PHEX: variants seen among roughly 807,000 people sequenced by gnomAD.
PHEX encodes the protein phosphate-regulating neutral endopeptidase PHEX.
In PHEX, 16 loss-of-function variants were observed where a neutral mutation model predicts 68.0. The ratio of observed to expected loss-of-function variants is 0.24; its 90% CI spans 0.16 to 0.36. The LOEUF (loss-of-function observed/expected upper bound fraction) is 0.36, where lower values mean the gene tolerates loss of function less well. PHEX is among the 10% of genes least tolerant of loss of function. The probability of loss-of-function intolerance (pLI) is 1.00; values close to 1 mark genes in which losing one functional copy is unlikely to be tolerated. For synonymous variants in PHEX, 208 were observed against 205.1 expected, an observed-to-expected ratio of 1.01 and a Z score of -0.12; for missense variants, 480 against 575.5, an observed-to-expected ratio of 0.83 and a Z score of 1.70.
At chrX:22,085,731 T>C (rs1428738027) in intron 5 of PHEX, among the ~76,000 whole-genome samples, 1 of 112,152 alleles carries the variant, frequency 8.9e-6, no homozygotes, top group Non-Finnish European at 1.9e-5. Context: ...ATATGATCTA[T>C]CCTGGAGAAT....
In PHEX at chrX:22,142,231, G is replaced by A. The variant is rs759315581; in HGVS notation, c.1404+8607G>A. Among the ~76,000 whole-genome samples the A allele has an allele frequency of 3.7e-4, 41 of 111,986 alleles. No homozygotes were observed. In the South Asian group the frequency reaches 0.013, roughly 35 times the overall value. ...TACGCCGCTGCACTCCAGCCTGGGC[G>A]ACAGAGTGAGATTCTATCTCTCACA... is the stretch of plus-strand genomic sequence containing the variant. On this transcript the variant is annotated intron_variant, in intron 12 of 21. Coordinates refer to ENST00000379374, the MANE Select transcript of PHEX (RefSeq NM_000444.6).
intron 11 of PHEX, among the ~76,000 whole-genome samples, chrX:22,116,914 G>T (rs1478808664): frequency 9.1e-6 from 1 of 110,480 alleles, no homozygotes; most frequent in Admixed American, 9.6e-5. Context: ...AGTTTTATTG[G>T]GGGTCTGAAG....
In PHEX at chrX:22,168,453, A is replaced by G. The variant is rs191754628; in HGVS notation, c.1482+64A>G. ...AGTTTTACTGGCCTTGTGCCTTTCA[A>G]CTAACCCAAGTCCTAGCAATTAAAA... On this transcript the variant is annotated intron_variant, in intron 13 of 21. Coordinates refer to ENST00000379374, the MANE Select transcript of PHEX (RefSeq NM_000444.6). 184 of 715,928 alleles carry G rather than the reference A, an allele frequency of 2.6e-4. 1 individual carries two copies. The South Asian group carries it at 3.7e-3, about 15-fold the overall frequency. 59.0% of individuals were successfully genotyped at this position (715,928 alleles called of 1,213,427 possible). A position where few individuals can be genotyped will look rare whatever the true frequency, so the allele number is the denominator to read the frequency against.
intron 2 of PHEX, among the ~76,000 whole-genome samples, chrX:22,043,171 A>G (rs1317267614): frequency 2.7e-5 from 3 of 112,557 alleles, no homozygotes; most frequent in African/African-American, 9.7e-5. Flanking sequence ...ATCTAACCTC[A>G]AGAGTTTCAG....
At chrX:22,233,593 G>C (rs920233480) in intron 20 of PHEX, among the ~76,000 whole-genome samples, 2 of 110,620 alleles carry the variant, frequency 1.8e-5, no homozygotes, top group Non-Finnish European at 3.8e-5. Flanking sequence ...TCTTCCGCTT[G>C]ATCAATTCGG....
At chrX:22,051,290 G>A (rs1927821728) in intron 3 of PHEX, among the ~76,000 whole-genome samples, 1 of 112,227 alleles carries the variant, frequency 8.9e-6, no homozygotes, top group Non-Finnish European at 1.9e-5. Context: ...CACCACTTTG[G>A]GAGGCTGAGG....
chrX:22,245,604 T>C lies in PHEX; in HGVS notation c.2147+195T>C, dbSNP rs2071584. Among the ~76,000 whole-genome samples the C allele has an allele frequency of 0.36, 40,304 of 110,813 alleles. 5,630 individuals are homozygous for C. The highest frequency in any genetic ancestry group is 0.42 in the African/African-American group (12,759 of 30,493). On this transcript the variant is annotated intron_variant, in intron 21 of 21. Transcript: ENST00000379374. ...ATATCTTCTTTCATTAGTAGTAAGC[T>C]GGTTTAGTCAGCACTCTCTCACCTG...
chrX:22,134,953 C>T (rs1248464234), intron 12 of PHEX, among the ~76,000 whole-genome samples: 1 of 111,900 alleles, frequency 8.9e-6, no homozygotes, highest in Non-Finnish European at 1.9e-5. Flanking sequence ...TTTGCCTCAG[C>T]GTTCTGGGAA....
chrX:22,146,202 A>G (rs1316960130), intron 12 of PHEX, among the ~76,000 whole-genome samples: 1 of 112,304 alleles, frequency 8.9e-6, no homozygotes, highest in Non-Finnish European at 1.9e-5. Context: ...TCTCCCACCA[A>G]TGAACAGTAT....
chrX:22,045,608 AG>A (rs1927492441), intron 2 of PHEX, among the ~76,000 whole-genome samples: 1 of 112,641 alleles, frequency 8.9e-6, no homozygotes, highest in South Asian at 3.6e-4. Flanking sequence ...CTTATGAAAG[AG>A]GAAAAAAATG....
intron 20 of PHEX, among the ~76,000 whole-genome samples, chrX:22,231,316 C>T (rs918309091): frequency 9.0e-6 from 1 of 111,660 alleles, no homozygotes; most frequent in African/African-American, 3.3e-5. Context: ...CCCTCTTCTT[C>T]TGTGGTTTGG....
At chrX:22,075,767 C>T (rs752440000) in intron 3 of PHEX, among the ~76,000 whole-genome samples, 2 of 112,065 alleles carry the variant, frequency 1.8e-5, no homozygotes, top group Admixed American at 9.5e-5. Flanking sequence ...TGTGTACACA[C>T]GGACTCTCTT....
At chrX:22,092,749 C>CTTTTTTTTTTTTT (rs370527485) in intron 6 of PHEX, among the ~76,000 whole-genome samples, 41 of 77,912 alleles carry the variant, frequency 5.3e-4, no homozygotes, top group African/African-American at 1.4e-3. Flanking sequence ...TTCTTTCTTT[C>CTTTTTTTTTTTTT]TTTTTTTTTT....
At chrX:22,176,400 AAAAT>A (rs1316700289) in intron 13 of PHEX, among the ~76,000 whole-genome samples, 1,034 of 62,288 alleles carry the variant, frequency 0.017, 11 homozygotes, top group African/African-American at 0.095. Flanking sequence ...AAAAAAAAAA[AAAAT>A]ATATATATAT....
intron 7 of PHEX, among the ~76,000 whole-genome samples, chrX:22,095,979 T>C (rs935711475): frequency 9.0e-6 from 1 of 111,530 alleles, no homozygotes; most frequent in Non-Finnish European, 1.9e-5. Context: ...GGAGTAGCCC[T>C]TGTGATTGGA....
intron 16 of PHEX, 114 bp from the exon 17 acceptor site, chrX:22,218,922 A>G: frequency 1.8e-6 from 1 of 543,813 alleles, no homozygotes; most frequent in Non-Finnish European, 3.3e-6. Flanking sequence ...TTCGATTGTT[A>G]TTACCATGGT....
intron 10 of PHEX, among the ~76,000 whole-genome samples, chrX:22,113,943 C>CTTTTTTTTTTTTTTT (rs746349559): frequency 4.7e-5 from 3 of 63,990 alleles, no homozygotes; most frequent in African/African-American, 6.0e-5. Context: ...TCTTCTTCTT[C>CTTTTTTTTTTTTTTT]TTTTTTTTTT....
intron 15 of PHEX, among the ~76,000 whole-genome samples, chrX:22,202,450 T>C (rs1366733909): frequency 8.9e-6 from 1 of 111,918 alleles, no homozygotes; most frequent in East Asian, 2.8e-4. Context: ...GAAATGCATC[T>C]TACCCAACTT....
Position 22,114,570 on chromosome X carries a change from A to G in PHEX, c.1286A>G (p.Glu429Gly), listed in dbSNP as rs1034759966. ...GKMFVDVYFQ[E>G]DKKEMMEELV... ...ATGTTTGTAGATGTGTACTTCCAGG[A>G]AGATAAGAAGGAAATGGTAAGTGGT... is the stretch of plus-strand genomic sequence containing the variant. Residue 429 changes from glutamate to glycine, a missense_variant, in exon 11 of 22, where the codon GAA becomes GGA. Coordinates refer to ENST00000379374, the MANE Select transcript of PHEX (RefSeq NM_000444.6). The G allele has an allele frequency of 8.3e-7, 1 of 1,204,763 alleles. No individual in the cohort carries two copies. The highest frequency in any genetic ancestry group is 1.1e-6 in the Non-Finnish European group (1 of 890,581).
Sources: gnomAD v4.1 joint callset for allele counts (sites outside exome capture counted in the v4.1 genomes callset) on GRCh38, gnomAD v4.1.1 for gene constraint, MANE v1.5 for transcripts, NCBI Gene and HGNC (gene_info 2026-07-23, HGNC 2026-07-21) for gene names.